HGSNAT: variants seen among roughly 807,000 people sequenced by gnomAD.
HGSNAT encodes transmembrane protein 76.
In HGSNAT, 59 loss-of-function variants were observed where a neutral mutation model predicts 85.2. The observed-to-expected ratio is 0.69, with a 90% CI of 0.56 to 0.86. The LOEUF is 0.86. Ranked by LOEUF, HGSNAT falls within the 40% of genes least tolerant of loss-of-function variation. The probability of loss-of-function intolerance (pLI) is 0.00; values close to 1 mark genes in which losing one functional copy is unlikely to be tolerated. For missense variants in HGSNAT, 756 were observed against 777.1 expected (o/e 0.97, Z 0.32); for synonymous variants, 321 against 304.5 (o/e 1.05, Z -0.56).
At chr8:43,169,524 T>C (rs907004340) in intron 6 of HGSNAT, among the ~76,000 whole-genome samples, 4 of 152,216 alleles carry the variant, frequency 2.6e-5, no homozygotes, top group Non-Finnish European at 5.9e-5. Flanking sequence ...TCCAGTTAAG[T>C]AGAGAGTGTC....
At chr8:43,164,292 A>G (rs1803360850) in intron 5 of HGSNAT, among the ~76,000 whole-genome samples, 1 of 152,012 alleles carries the variant, frequency 6.6e-6, no homozygotes, top group African/African-American at 2.4e-5. Context: ...ACCCTGTGTT[A>G]TTGTGCTTTG....
In HGSNAT at chr8:43,158,646, T is replaced by C. The variant is rs772490276; in HGVS notation, c.306T>C (p.Ser102=). The part of the protein sequence containing the change: ...KAGKPSAAAA[S]VSTQHGSILQ... The stretch of plus-strand genomic sequence containing the variant: ...GGAAGCCTAGTGCTGCAGCTGCCTC[T>C]GTCAGCACCCAGCACGGATCTATCC... The change falls in exon 3 of 18, where the codon TCT becomes TCC. Residue 102 remains serine, a synonymous_variant. Coordinates refer to ENST00000379644, the MANE Select transcript of HGSNAT (RefSeq NM_152419.3). The C allele has an allele frequency of 3.7e-6, 6 of 1,613,920 alleles. No homozygotes were observed. The highest frequency in any genetic ancestry group is 5.1e-6 in the Non-Finnish European group (6 of 1,179,782).
At chr8:43,170,844 A>C (rs1467409187) in intron 7 of HGSNAT, 150 bp downstream of exon 7, 3 of 583,562 alleles carry the variant, frequency 5.1e-6, no homozygotes, top group African/African-American at 1.9e-5. Context: ...TAAACTCTGC[A>C]GCCTCTCCAG....
At chr8:43,182,489 G>A in intron 11 of HGSNAT, 2 of 548,104 alleles carry the variant, frequency 3.6e-6, no homozygotes, top group Non-Finnish European at 6.7e-6. Context: ...TGTTGCCCAG[G>A]CTGGGGTGCA....
At chr8:43,167,379 C>T (rs890418418) in intron 5 of HGSNAT, among the ~76,000 whole-genome samples, 1 of 152,182 alleles carries the variant, frequency 6.6e-6, no homozygotes, top group Non-Finnish European at 1.5e-5. Flanking sequence ...CCACAGCCAC[C>T]TCAACCTACG....
chr8:43,167,717 T>C (rs976552439), intron 5 of HGSNAT, among the ~76,000 whole-genome samples: 2 of 152,282 alleles, frequency 1.3e-5, no homozygotes, highest in Admixed American at 1.3e-4. Flanking sequence ...TCTCTGCTTC[T>C]GTGTAACTGT....
chr8:43,186,786 T>C (rs1042709450), intron 11 of HGSNAT, among the ~76,000 whole-genome samples: 11 of 152,248 alleles, frequency 7.2e-5, no homozygotes, highest in Non-Finnish European at 1.3e-4. Flanking sequence ...TTTAGTGCTA[T>C]AAATTTCCTT....
chr8:43,191,362 A>T, intron 11 of HGSNAT, 112 bp from the exon 12 acceptor site: 2 of 1,317,714 alleles, frequency 1.5e-6, no homozygotes, highest in Non-Finnish European at 2.1e-6. Flanking sequence ...TTTTTGTATT[A>T]CTGCCAAAAA....
chr8:43,169,684 C>G (rs1340813787), intron 6 of HGSNAT, among the ~76,000 whole-genome samples: 1 of 152,204 alleles, frequency 6.6e-6, no homozygotes, highest in Non-Finnish European at 1.5e-5. Context: ...GCTAGATGCA[C>G]TTACGACTAG....
intron 1 of HGSNAT, among the ~76,000 whole-genome samples, chr8:43,146,100 C>T (rs75688643): frequency 9.2e-5 from 14 of 152,250 alleles, no homozygotes; most frequent in Non-Finnish European, 1.9e-4. Flanking sequence ...ATCCTCAGCA[C>T]ATCATCTAGT....
At chr8:43,173,806 G>A (rs1484343829) in intron 9 of HGSNAT, 63 bp downstream of exon 9, 2 of 1,536,830 alleles carry the variant, frequency 1.3e-6, no homozygotes, top group African/African-American at 1.4e-5. Flanking sequence ...TTTTTCAGAT[G>A]ATGCTGGAGC....
intron 12 of HGSNAT, among the ~76,000 whole-genome samples, chr8:43,191,863 G>A (rs761562036): frequency 1.3e-5 from 2 of 152,016 alleles, no homozygotes; most frequent in Non-Finnish European, 2.9e-5. Context: ...CCAGAAGGAC[G>A]TTTTAGCTGG....
chr8:43,188,254 G>C (rs1804393376), intron 11 of HGSNAT, among the ~76,000 whole-genome samples: 1 of 152,118 alleles, frequency 6.6e-6, no homozygotes, highest in African/African-American at 2.4e-5. Context: ...ACTTGGTTCT[G>C]TTCTCCCCGT....
At chr8:43,153,752 A>G (rs929593526) in intron 2 of HGSNAT, among the ~76,000 whole-genome samples, 1 of 152,050 alleles carries the variant, frequency 6.6e-6, no homozygotes, top group South Asian at 2.1e-4. Flanking sequence ...CTCTACTTCT[A>G]TGAGGTCACA....
intron 1 of HGSNAT, among the ~76,000 whole-genome samples, chr8:43,142,129 C>A (rs931062722): frequency 6.6e-6 from 1 of 151,706 alleles, no homozygotes; most frequent in South Asian, 2.1e-4. Context: ...AGATAACTCA[C>A]GAGCAGAGAG....
chr8:43,155,220 C>G (rs982627100), intron 2 of HGSNAT, among the ~76,000 whole-genome samples: 1 of 152,168 alleles, frequency 6.6e-6, no homozygotes, highest in Admixed American at 6.5e-5. Context: ...GCCCCTTTCT[C>G]CACATCCTTG....
Position 43,173,706 on chromosome 8 carries a change from T to C in HGSNAT, c.821-7T>C. On this transcript the variant is annotated splice_polypyrimidine_tract_variant and splice_region_variant and intron_variant, in intron 8 of 17. Coordinates refer to ENST00000379644, the MANE Select transcript of HGSNAT (RefSeq NM_152419.3). ...CCTTTTGCTTATGCTTTGTACTTGT[T>C]CTGCAGGGCTGACAGTGGCTGACCT... The C allele has an allele frequency of 1.9e-6, 3 of 1,613,108 alleles. No individual in the cohort carries two copies. The highest frequency in any genetic ancestry group is 2.5e-6 in the Non-Finnish European group (3 of 1,179,476).
intron 5 of HGSNAT, among the ~76,000 whole-genome samples, chr8:43,162,172 T>G (rs889189120): frequency 3.9e-5 from 6 of 152,250 alleles, no homozygotes; most frequent in Admixed American, 1.3e-4. Flanking sequence ...TTTCTCATGC[T>G]TATCTTGTTA....
rs528195639 is a variant in HGSNAT at position 43,190,217 on chromosome 8, G to A, written c.1129-1257G>A. Among the ~76,000 whole-genome samples, 4 of 152,276 alleles carry A rather than the reference G, an allele frequency of 2.6e-5. 1 individual carries two copies. Among genetic ancestry groups the A allele is most frequent in the Non-Finnish European group, 2.9e-5 (2 of 68,022 alleles). On this transcript the variant is annotated intron_variant, in intron 11 of 17. Transcript: ENST00000379644. Reference sequence around the variant, plus strand: ...CTAGGTGGAGTTCACTCAGGTGACAGTTACTTCTTTCCCCCACCCACCATT... The same window carrying A: ...CTAGGTGGAGTTCACTCAGGTGACAATTACTTCTTTCCCCCACCCACCATT...
Sources: gnomAD v4.1 joint callset for allele counts (sites outside exome capture counted in the v4.1 genomes callset) on GRCh38, gnomAD v4.1.1 for gene constraint, MANE v1.5 for transcripts, NCBI Gene and HGNC (gene_info 2026-07-23, HGNC 2026-07-21) for gene names.